Variants in AUTS2 observed in about 807,000 individuals in gnomAD.
AUTS2 encodes activator of transcription and developmental regulator AUTS2, also known as autism susceptibility gene 2 protein.
Under a neutral mutation model 112.4 loss-of-function variants are expected in AUTS2, and 17 were observed. The observed-to-expected ratio is 0.15, with a 90% CI of 0.10 to 0.23. The LOEUF is 0.23. Among genes scored for constraint, AUTS2 ranks in the 10% least tolerant of loss-of-function variants. The pLI is 1.00. For missense variants in AUTS2, 1,510 were observed against 1,701.6 expected (o/e 0.89, Z 1.98); for synonymous variants, 751 against 702.7 (o/e 1.07, Z -1.09).
chr7:70,027,458 A>G (rs1375868908), intron 2 of AUTS2, among the ~76,000 whole-genome samples: 6 of 152,146 alleles, frequency 3.9e-5, no homozygotes, highest in Non-Finnish European at 5.9e-5. Context: ...GTCTTCATCC[A>G]GCCCCTATGT....
At chr7:70,126,007 G>T (rs373111641) in intron 3 of AUTS2, among the ~76,000 whole-genome samples, 1 of 152,154 alleles carries the variant, frequency 6.6e-6, no homozygotes, top group Non-Finnish European at 1.5e-5. Context: ...CTCAAGTGAG[G>T]CTAATCAAAA....
chr7:70,168,256 A>G (rs1245837059), intron 4 of AUTS2, among the ~76,000 whole-genome samples: 2 of 152,008 alleles, frequency 1.3e-5, no homozygotes, highest in African/African-American at 4.8e-5. Context: ...CTGTCTACAA[A>G]CATTTATGCA....
intron 1 of AUTS2, among the ~76,000 whole-genome samples, chr7:69,726,312 T>C (rs1786510934): frequency 6.6e-6 from 1 of 152,248 alleles, no homozygotes; most frequent in Non-Finnish European, 1.5e-5. Flanking sequence ...TGCTCTATTG[T>C]GTTTGCCTTC....
At chr7:69,657,631 G>A (rs1422840309) in intron 1 of AUTS2, among the ~76,000 whole-genome samples, 2 of 152,154 alleles carry the variant, frequency 1.3e-5, no homozygotes, top group Non-Finnish European at 2.9e-5. Context: ...GCAGATGTGG[G>A]TGGTGAAGGA....
intron 5 of AUTS2, among the ~76,000 whole-genome samples, chr7:70,557,050 T>C (rs574588292): frequency 6.6e-6 from 1 of 152,188 alleles, no homozygotes; most frequent in African/African-American, 2.4e-5. Flanking sequence ...ATTGGTGTAG[T>C]TTTCATTAAG....
intron 4 of AUTS2, among the ~76,000 whole-genome samples, chr7:70,428,628 A>G (rs1469748822): frequency 6.6e-6 from 1 of 152,214 alleles, no homozygotes; most frequent in Non-Finnish European, 1.5e-5. Flanking sequence ...GGCAGAAACA[A>G]GAATAAAATA....
chr7:69,735,458 A>G (rs1051308867), intron 1 of AUTS2, among the ~76,000 whole-genome samples: 4 of 152,212 alleles, frequency 2.6e-5, no homozygotes, highest in African/African-American at 7.2e-5. Context: ...GAAGGGACCA[A>G]CATCCTTTGA....
chr7:70,774,180 C>A, intron 12 of AUTS2, 81 bp downstream of exon 12: 2 of 1,292,802 alleles, frequency 1.5e-6, no homozygotes, highest in Non-Finnish European at 2.2e-6. Flanking sequence ...GTGCTCGCAT[C>A]TTCCTTAGCT....
At chr7:70,378,251 G>A (rs1793208251) in intron 4 of AUTS2, among the ~76,000 whole-genome samples, 1 of 152,166 alleles carries the variant, frequency 6.6e-6, no homozygotes, top group Non-Finnish European at 1.5e-5. Context: ...CTATGAACAT[G>A]TCTAAGTCCT....
Position 69,599,456 on chromosome 7 carries a change from T to G in AUTS2, c.-198T>G. ...CTCGCTCCCCGTCCCTCCTCCCCTC[T>G]CTCCGCCCCTTCCCCCTTTTCTTTC... On this transcript the variant is annotated 5_prime_UTR_variant, in exon 1 of 19. Coordinates refer to ENST00000342771, the MANE Select transcript of AUTS2 (RefSeq NM_015570.4). This position sits in a 1 kb window ranked among gnomAD's most constrained non-coding sequence, Gnocchi z 7.0. The G allele has an allele frequency of 2.3e-6, 1 of 431,138 alleles. No homozygotes were observed. The highest frequency in any genetic ancestry group is 3.8e-6 in the Non-Finnish European group (1 of 266,374). The allele number at this position is 431,138 out of a possible 1,614,324, so 26.7% of individuals were successfully genotyped here.
intron 1 of AUTS2, among the ~76,000 whole-genome samples, chr7:69,898,237 G>T (rs1350214954): frequency 6.6e-6 from 1 of 152,138 alleles, no homozygotes; most frequent in Non-Finnish European, 1.5e-5. Context: ...ATTTAGGACT[G>T]CAGAAACTGA....
chr7:70,002,969 T>C (rs1032136898), intron 2 of AUTS2, among the ~76,000 whole-genome samples: 1 of 151,420 alleles, frequency 6.6e-6, no homozygotes, highest in Non-Finnish European at 1.5e-5. Flanking sequence ...ATAATGTTAA[T>C]TTTTTGAAAA....
intron 1 of AUTS2, among the ~76,000 whole-genome samples, chr7:69,702,526 G>A (rs1037958749): frequency 6.6e-6 from 1 of 152,158 alleles, no homozygotes; most frequent in Admixed American, 6.5e-5. Context: ...GAAGAGGACT[G>A]GGCTGCCTTG....
intron 5 of AUTS2, among the ~76,000 whole-genome samples, chr7:70,513,529 C>A (rs554345378): frequency 4.6e-5 from 7 of 152,320 alleles, no homozygotes; most frequent in African/African-American, 1.7e-4. Context: ...ACAGCAAACC[C>A]CACTGGTGAA....
At chr7:70,622,581 A>G (rs1449429739) in intron 5 of AUTS2, among the ~76,000 whole-genome samples, 2 of 152,174 alleles carry the variant, frequency 1.3e-5, no homozygotes, top group Admixed American at 1.3e-4. Context: ...CCTCTTGCCA[A>G]GAATGTTCTT....
chr7:69,783,482 T>C (rs939440730), intron 1 of AUTS2, among the ~76,000 whole-genome samples: 5 of 152,108 alleles, frequency 3.3e-5, no homozygotes, highest in Admixed American at 3.3e-4. Flanking sequence ...CTGCTGTTTG[T>C]TGTGCTCACA....
chr7:70,377,927 C>T (rs917061846), intron 4 of AUTS2, among the ~76,000 whole-genome samples: 4 of 151,564 alleles, frequency 2.6e-5, no homozygotes, highest in Non-Finnish European at 4.4e-5. Context: ...CCCGCCACCA[C>T]GGCTGGCTAA....
At chr7:70,354,584 C>T (rs1290718980) in intron 4 of AUTS2, among the ~76,000 whole-genome samples, 5 of 152,176 alleles carry the variant, frequency 3.3e-5, no homozygotes, top group Non-Finnish European at 7.3e-5. Flanking sequence ...TGCAGCATCA[C>T]ATGGCTGGTA....
intron 6 of AUTS2, among the ~76,000 whole-genome samples, chr7:70,739,003 C>CTTTTTT (rs57525224): frequency 0.014 from 778 of 57,244 alleles, 121 homozygotes; most frequent in Non-Finnish European, 0.02. Flanking sequence ...GTTTTGAGGC[C>CTTTTTT]TTTTTTTTTT....
Sources: gnomAD v4.1 joint callset for allele counts (sites outside exome capture counted in the v4.1 genomes callset) on GRCh38, gnomAD v4.1.1 for gene constraint, Gnocchi (gnomAD v3.1) non-coding constraint, MANE v1.5 for transcripts, NCBI Gene and HGNC (gene_info 2026-07-23, HGNC 2026-07-21) for gene names.